EYA2: variants seen among roughly 807,000 people sequenced by gnomAD.
The protein encoded by EYA2 is protein phosphatase EYA2.
Under a neutral mutation model 69.2 loss-of-function variants are expected in EYA2, and 31 were observed. That is an observed-to-expected ratio of 0.45 (90% CI 0.34 to 0.60). The LOEUF is 0.60. EYA2 is among the 20% of genes least tolerant of loss of function. The pLI is 0.02. For missense variants in EYA2, 622 were observed against 701.2 expected (o/e 0.89, Z 1.28); for synonymous variants, 257 against 279.4 (o/e 0.92, Z 0.80).
Position 47,129,519 on chromosome 20 carries a change from T to C in EYA2, c.889-13540T>C, listed in dbSNP as rs1235117515. Among the ~76,000 whole-genome samples the C allele has an allele frequency of 3.3e-5, 5 of 151,918 alleles. No individual in the cohort carries two copies. The East Asian group carries it at 7.7e-4, about 24-fold the overall frequency. On this transcript the variant is annotated intron_variant, in intron 9 of 15. Coordinates refer to ENST00000327619, the MANE Select transcript of EYA2 (RefSeq NM_005244.5). ...GCAGATTCAAGGCAGAGTGGAAGAG[T>C]AGGTGGTTACTAGAGCACATGAGGC...
At chr20:47,043,989 C>A (rs2029905423) in intron 5 of EYA2, among the ~76,000 whole-genome samples, 1 of 152,138 alleles carries the variant, frequency 6.6e-6, no homozygotes, top group Non-Finnish European at 1.5e-5. Flanking sequence ...ATAGACTATC[C>A]TTTTAACCAC....
At chr20:47,122,516 T>C (rs1418769941) in intron 9 of EYA2, among the ~76,000 whole-genome samples, 2 of 152,006 alleles carry the variant, frequency 1.3e-5, no homozygotes, top group African/African-American at 4.8e-5. Flanking sequence ...GCCAGGGTGG[T>C]CTCGATCTCC....
At chr20:46,919,235 A>G (rs1011537142) in intron 1 of EYA2, among the ~76,000 whole-genome samples, 14 of 152,222 alleles carry the variant, frequency 9.2e-5, no homozygotes, top group African/African-American at 3.1e-4. Flanking sequence ...TTGGCCCTTA[A>G]CAAGAGATTC....
intron 9 of EYA2, among the ~76,000 whole-genome samples, chr20:47,121,935 G>A (rs188568453): frequency 2.0e-5 from 3 of 152,200 alleles, no homozygotes; most frequent in Non-Finnish European, 2.9e-5. Flanking sequence ...CTCCTTCCTC[G>A]GCCAGACATC....
chr20:46,925,366 G>A (rs1985370436), intron 1 of EYA2, among the ~76,000 whole-genome samples: 1 of 152,128 alleles, frequency 6.6e-6, no homozygotes, highest in African/African-American at 2.4e-5. Context: ...TCAGCATAAT[G>A]CAAATACCAT....
chr20:46,993,617 A>G (rs1275762917), intron 2 of EYA2, among the ~76,000 whole-genome samples: 1 of 152,262 alleles, frequency 6.6e-6, no homozygotes, highest in Non-Finnish European at 1.5e-5. Flanking sequence ...GGGAGACAGC[A>G]TAGAAAACCC....
At chr20:47,081,210 CAT>C (rs915809427) in intron 7 of EYA2, among the ~76,000 whole-genome samples, 21 of 151,980 alleles carry the variant, frequency 1.4e-4, no homozygotes, top group African/African-American at 3.9e-4. Flanking sequence ...CCTCTCATGA[CAT>C]GTGGGAATTG....
chr20:46,946,779 C>T (rs2091487417), intron 1 of EYA2, among the ~76,000 whole-genome samples: 1 of 151,924 alleles, frequency 6.6e-6, no homozygotes, highest in African/African-American at 2.4e-5. Flanking sequence ...CTGCCCCCTC[C>T]CCACCCACCC....
intron 2 of EYA2, among the ~76,000 whole-genome samples, chr20:46,992,575 C>A (rs574343146): frequency 1.3e-5 from 2 of 152,294 alleles, no homozygotes; most frequent in East Asian, 3.9e-4. Context: ...AACTCACTTT[C>A]TGCCAAGCTG....
intron 1 of EYA2, among the ~76,000 whole-genome samples, chr20:46,970,073 A>G (rs1028647099): frequency 2.0e-5 from 3 of 152,238 alleles, no homozygotes; most frequent in Non-Finnish European, 4.4e-5. Flanking sequence ...ATATTAAAAC[A>G]TAGATCAACT....
intron 9 of EYA2, among the ~76,000 whole-genome samples, chr20:47,111,816 G>A (rs1263353334): frequency 6.6e-6 from 1 of 152,222 alleles, no homozygotes; most frequent in Non-Finnish European, 1.5e-5. Context: ...GAGTCATCAA[G>A]GCAGTCAGCC....
At chr20:47,009,116 G>A (rs1340267301) in intron 4 of EYA2, among the ~76,000 whole-genome samples, 1 of 152,136 alleles carries the variant, frequency 6.6e-6, no homozygotes. Context: ...CCTCACCAGG[G>A]CCCACCCCAA....
At chr20:47,169,843 C>T (rs914594742) in intron 11 of EYA2, among the ~76,000 whole-genome samples, 39 of 152,238 alleles carry the variant, frequency 2.6e-4, no homozygotes, top group African/African-American at 7.9e-4. Context: ...CAGCAGTCTT[C>T]GTAAGGAGGC....
intron 15 of EYA2, among the ~76,000 whole-genome samples, chr20:47,187,504 G>C (rs908035104): frequency 1.3e-5 from 2 of 152,166 alleles, no homozygotes; most frequent in Non-Finnish European, 2.9e-5. Flanking sequence ...GCCTGCTGAA[G>C]ACTCTCCAAG....
intron 9 of EYA2, among the ~76,000 whole-genome samples, chr20:47,124,006 G>A (rs563264092): frequency 6.6e-6 from 1 of 151,908 alleles, no homozygotes; most frequent in South Asian, 2.1e-4. Flanking sequence ...GTGGGGGAGT[G>A]GGGGGCCTAA....
At chr20:46,898,105 G>T (rs1473913078) in intron 1 of EYA2, among the ~76,000 whole-genome samples, 1 of 152,098 alleles carries the variant, frequency 6.6e-6, no homozygotes, top group Non-Finnish European at 1.5e-5. Flanking sequence ...GATAAAGGGA[G>T]AATTCGCCTA....
At position 47,004,981 on chromosome 20, in the gene EYA2, C is replaced by T; in HGVS notation, c.195C>T (p.Ala65=). The T allele has an allele frequency of 6.2e-7, 1 of 1,614,164 alleles. No homozygotes were observed. Among genetic ancestry groups the T allele is most frequent in the Non-Finnish European group, 8.5e-7 (1 of 1,180,016 alleles). The change falls in exon 4 of 16, where the codon GCC becomes GCT. Residue 65 remains alanine, a synonymous_variant. Coordinates refer to ENST00000327619, the MANE Select transcript of EYA2 (RefSeq NM_005244.5). ...PRVLPRQPST[A]MAAYGQTQYS... ...TCCTCCCCCGCCAGCCTTCCACAGCCATGGCAGCCTACGGCCAGACGCAGT... is the reference window on the plus strand; with the variant it reads ...TCCTCCCCCGCCAGCCTTCCACAGCTATGGCAGCCTACGGCCAGACGCAGT...
At chr20:46,957,820 C>T (rs2146283859) in intron 1 of EYA2, among the ~76,000 whole-genome samples, 1 of 152,282 alleles carries the variant, frequency 6.6e-6, no homozygotes, top group South Asian at 2.1e-4. Flanking sequence ...CAAGTTTGTG[C>T]TTCTTTCTTA....
intron 12 of EYA2, among the ~76,000 whole-genome samples, chr20:47,177,932 G>A (rs1176936899): frequency 6.6e-6 from 1 of 152,226 alleles, no homozygotes; most frequent in Non-Finnish European, 1.5e-5. Flanking sequence ...GTTGTGAGAA[G>A]TGCTGTGAAG....
Sources: allele counts gnomAD v4.1 joint callset (sites outside exome capture counted in the v4.1 genomes callset), GRCh38; gene constraint gnomAD v4.1.1; transcripts MANE v1.5; gene names NCBI Gene and HGNC (gene_info 2026-07-23, HGNC 2026-07-21).